PCDHA1: variants seen among roughly 807,000 people sequenced by gnomAD.
The protein encoded by PCDHA1 is protocadherin alpha 1.
Under a neutral mutation model 61.3 loss-of-function variants are expected in PCDHA1, and 42 were observed. The observed-to-expected ratio is 0.69, with a 90% CI of 0.54 to 0.89. The LOEUF (loss-of-function observed/expected upper bound fraction) is 0.89. Ranked by LOEUF, PCDHA1 falls within the 40% of genes least tolerant of loss-of-function variation. The pLI is 0.00. For synonymous variants in PCDHA1, 610 were observed against 553.8 expected, an observed-to-expected ratio of 1.10 and a Z score of -1.43; for missense variants, 1,256 against 1,235.3, an observed-to-expected ratio of 1.02 and a Z score of -0.25.
intron 1 of PCDHA1, chr5:140,843,270 T>C (rs1198092649): frequency 1.3e-6 from 2 of 1,595,942 alleles, no homozygotes; most frequent in African/African-American, 2.7e-5. Context: ...CTGCTGGTCC[T>C]GGTGAAGGAT....
In PCDHA1 at chr5:141,010,432, C is replaced by T; in HGVS notation, c.*495C>T. On this transcript the variant is annotated 3_prime_UTR_variant, in exon 4 of 4. Coordinates refer to ENST00000504120, the MANE Select transcript of PCDHA1 (RefSeq NM_018900.4). The stretch of plus-strand genomic sequence containing the variant: ...AATTGGTACAAGGAAGGCAAGAAAA[C>T]AAAGACAAATAAACAGCGGAAGTTA... 1 of 1,056,970 alleles carries T rather than the reference C, an allele frequency of 9.5e-7. No individual in the cohort carries two copies. The highest frequency in any genetic ancestry group is 1.3e-6 in the Non-Finnish European group (1 of 756,282). 65.5% of individuals were successfully genotyped at this position (1,056,970 alleles called of 1,614,324 possible).
chr5:140,887,246 G>A (rs1346055055), intron 1 of PCDHA1, among the ~76,000 whole-genome samples: 2 of 151,778 alleles, frequency 1.3e-5, no homozygotes, highest in Non-Finnish European at 2.9e-5. Flanking sequence ...ACCGGCGCCC[G>A]CCACCACGCC....
At chr5:140,903,347 A>C (rs1393300562) in intron 1 of PCDHA1, among the ~76,000 whole-genome samples, 2 of 152,228 alleles carry the variant, frequency 1.3e-5, no homozygotes, top group Non-Finnish European at 2.9e-5. Context: ...GCATTTTAAA[A>C]AACAAGTTTT....
At position 140,792,559 on chromosome 5, in the gene PCDHA1, C is replaced by T. The variant is rs73791784; in HGVS notation, c.2394+3875C>T. On this transcript the variant is annotated intron_variant, in intron 1 of 3. Coordinates refer to ENST00000504120, the MANE Select transcript of PCDHA1 (RefSeq NM_018900.4). Reference sequence around the variant, plus strand: ...ATATCTGGCAATAGTATTCTATCTCCGGGGGAAGGGGGAAATATTCCATAT... The same window carrying T: ...ATATCTGGCAATAGTATTCTATCTCTGGGGGAAGGGGGAAATATTCCATAT... Among the ~76,000 whole-genome samples the T allele has an allele frequency of 6.4e-3, 980 of 152,210 alleles. 8 individuals carry two copies. The highest frequency in any genetic ancestry group is 0.023 in the African/African-American group (943 of 41,528).
At chr5:140,943,717 T>A (rs1269511670) in intron 1 of PCDHA1, among the ~76,000 whole-genome samples, 1 of 152,108 alleles carries the variant, frequency 6.6e-6, no homozygotes, top group Non-Finnish European at 1.5e-5. Context: ...CATTTAAAGG[T>A]CTGAGAGAAT....
chr5:140,807,451 T>G (rs1554124021), intron 1 of PCDHA1: 3 of 1,606,822 alleles, frequency 1.9e-6, no homozygotes, highest in Middle Eastern at 1.8e-4. Context: ...TTGTGAATTC[T>G]CGGATCGACC....
chr5:140,876,176 TG>T (rs1554168338), intron 1 of PCDHA1: 2 of 1,613,930 alleles, frequency 1.2e-6, no homozygotes, highest in Non-Finnish European at 1.7e-6. Context: ...GTCCTGGATG[TG>T]AATGACAATG....
At chr5:140,807,922 C>A (rs1554124344) in intron 1 of PCDHA1, 7 of 1,613,988 alleles carry the variant, frequency 4.3e-6, no homozygotes, top group East Asian at 2.2e-5. Flanking sequence ...TTGACAGAAC[C>A]ATTTATAAGG....
chr5:140,800,140 A>G (rs1015270658), intron 1 of PCDHA1, among the ~76,000 whole-genome samples: 13 of 152,302 alleles, frequency 8.5e-5, no homozygotes, highest in Middle Eastern at 3.4e-3. Context: ...TTAACATTTT[A>G]GTATATACAG....
chr5:140,922,074 CA>C (rs1554200639), intron 1 of PCDHA1, among the ~76,000 whole-genome samples: 1 of 151,892 alleles, frequency 6.6e-6, no homozygotes, highest in Non-Finnish European at 1.5e-5. Flanking sequence ...TCCCACTAAG[CA>C]AAAAGTGGTA....
chr5:140,926,353 C>T (rs1402316154), intron 1 of PCDHA1: 1 of 152,272 alleles, frequency 6.6e-6, no homozygotes, highest in Non-Finnish European at 1.5e-5. Flanking sequence ...ACGCGCGGCT[C>T]CCAAAGGGCG....
At chr5:140,810,494 T>A (rs1554125502) in intron 1 of PCDHA1, 1 of 152,242 alleles carries the variant, frequency 6.6e-6, no homozygotes, top group East Asian at 1.9e-4. Context: ...TCTACATTTG[T>A]CAGGTTATTT....
intron 1 of PCDHA1, chr5:140,883,594 G>T: frequency 1.9e-6 from 3 of 1,614,032 alleles, no homozygotes; most frequent in Non-Finnish European, 2.5e-6. Context: ...CCAGCGTGTC[G>T]GTGGGGGTGG....
chr5:140,836,128 C>T (rs2150253454), intron 1 of PCDHA1: 10 of 1,613,624 alleles, frequency 6.2e-6, no homozygotes, highest in South Asian at 1.1e-5. Flanking sequence ...GAGCTTGTGC[C>T]GCGGTCTGTG....
intron 1 of PCDHA1, chr5:140,803,012 G>T (rs138097279): frequency 1.2e-6 from 2 of 1,613,936 alleles, no homozygotes; most frequent in Admixed American, 1.7e-5. Flanking sequence ...GCTACAACGC[G>T]TGGCTTTCGT....
At chr5:140,973,040 T>G (rs529820612) in intron 1 of PCDHA1, among the ~76,000 whole-genome samples, 23 of 152,264 alleles carry the variant, frequency 1.5e-4, no homozygotes, top group African/African-American at 5.5e-4. Flanking sequence ...CTTTGAGTAC[T>G]CTAGTAGATT....
chr5:140,838,659 G>T (rs2150291095), intron 1 of PCDHA1, among the ~76,000 whole-genome samples: 1 of 152,070 alleles, frequency 6.6e-6, no homozygotes, highest in South Asian at 2.1e-4. Context: ...TAGTTAACGG[G>T]GCATGGTGGC....
chr5:140,896,192 C>G (rs369443676), intron 1 of PCDHA1, among the ~76,000 whole-genome samples: 1 of 152,162 alleles, frequency 6.6e-6, no homozygotes, highest in African/African-American at 2.4e-5. Context: ...TGAATAGTGC[C>G]ATGATGAACA....
At chr5:140,854,018 C>T (rs1041101905) in intron 1 of PCDHA1, 6 of 346,140 alleles carry the variant, frequency 1.7e-5, no homozygotes, top group East Asian at 1.7e-4. Context: ...AAAAATTAGC[C>T]GGGCATGGTG....
Sources: allele counts gnomAD v4.1 joint callset (sites outside exome capture counted in the v4.1 genomes callset), GRCh38; gene constraint gnomAD v4.1.1; transcripts MANE v1.5; gene names NCBI Gene and HGNC (gene_info 2026-07-23, HGNC 2026-07-21).